HS3ST4: variants seen among roughly 807,000 people sequenced by gnomAD.
HS3ST4 encodes the protein heparan sulfate glucosamine 3-O-sulfotransferase 4.
Under a neutral mutation model 29.2 loss-of-function variants are expected in HS3ST4, and 17 were observed. The ratio of observed to expected loss-of-function variants is 0.58; its 90% confidence interval spans 0.40 to 0.87. The LOEUF (loss-of-function observed/expected upper bound fraction) is 0.87. HS3ST4 is among the 40% of genes least tolerant of loss of function. The pLI is 0.00. For missense variants in HS3ST4, 627 were observed against 634.5 expected, an observed-to-expected ratio of 0.99 and a Z score of 0.13; for synonymous variants, 314 against 285.7, an observed-to-expected ratio of 1.10 and a Z score of -1.00.
intron 1 of HS3ST4, among the ~76,000 whole-genome samples, chr16:25,739,136 G>A (rs993801227): frequency 3.9e-5 from 6 of 152,116 alleles, no homozygotes; most frequent in African/African-American, 1.4e-4. Context: ...GAGGTCAGGA[G>A]TTCAAGACAA....
In HS3ST4 at chr16:26,012,136, T is replaced by C. The variant is rs967690763; in HGVS notation, c.735-123476T>C. Among the ~76,000 whole-genome samples the C allele has an allele frequency of 2.6e-5, 4 of 152,192 alleles. No homozygotes were observed. In the East Asian group the frequency reaches 7.7e-4, roughly 29 times the overall value. ...CAACAGGGCCCTGTGCCTCAGTAGA[T>C]AAGTCAGCAGGGTGTGGTTTGCAGG... On this transcript the variant is annotated intron_variant, in intron 1 of 1. Transcript: ENST00000331351.
At chr16:26,067,788 G>A (rs1375931870) in intron 1 of HS3ST4, among the ~76,000 whole-genome samples, 6 of 152,122 alleles carry the variant, frequency 3.9e-5, no homozygotes, top group South Asian at 2.1e-4. Flanking sequence ...TCATGAGAGC[G>A]GGTTTTTCCC....
intron 1 of HS3ST4, among the ~76,000 whole-genome samples, chr16:25,888,378 G>A (rs528148256): frequency 2.5e-4 from 38 of 152,260 alleles, no homozygotes; most frequent in African/African-American, 6.7e-4. Context: ...TTATCTCTGC[G>A]TTTCTCTGGC....
chr16:25,978,976 C>T (rs1212856294), intron 1 of HS3ST4, among the ~76,000 whole-genome samples: 4 of 138,796 alleles, frequency 2.9e-5, no homozygotes, highest in African/African-American at 1.1e-4. Context: ...TTTCTCTCTG[C>T]AACCTCCACC....
chr16:26,074,226 C>T (rs1898632908), intron 1 of HS3ST4, among the ~76,000 whole-genome samples: 1 of 152,188 alleles, frequency 6.6e-6, no homozygotes, highest in South Asian at 2.1e-4. Flanking sequence ...CTTTTATCTT[C>T]CAAAATGAAA....
intron 1 of HS3ST4, among the ~76,000 whole-genome samples, chr16:26,074,261 G>C (rs534588909): frequency 3.2e-4 from 49 of 152,218 alleles, no homozygotes; most frequent in South Asian, 3.1e-3. Context: ...CTCACATCAG[G>C]TACAGTTGTC....
At chr16:25,893,727 A>G (rs1030178085) in intron 1 of HS3ST4, among the ~76,000 whole-genome samples, 2 of 152,206 alleles carry the variant, frequency 1.3e-5, no homozygotes, top group Non-Finnish European at 2.9e-5. Flanking sequence ...TGAAATGGTA[A>G]TTTTTCAAAT....
At chr16:25,832,372 GC>G (rs771795253) in intron 1 of HS3ST4, among the ~76,000 whole-genome samples, 1 of 152,186 alleles carries the variant, frequency 6.6e-6, no homozygotes, top group Admixed American at 6.5e-5. Context: ...AGAGGCTAGG[GC>G]CCCACTGGCT....
At chr16:25,832,044 C>G (rs1967307951) in intron 1 of HS3ST4, among the ~76,000 whole-genome samples, 1 of 152,048 alleles carries the variant, frequency 6.6e-6, no homozygotes, top group South Asian at 2.1e-4. Flanking sequence ...ATTGTTGAGG[C>G]TGCAGTGAAC....
At chr16:25,857,896 C>CTT (rs1351557605) in intron 1 of HS3ST4, among the ~76,000 whole-genome samples, 2 of 58,930 alleles carry the variant, frequency 3.4e-5, no homozygotes, top group East Asian at 5.6e-4. Context: ...CTTTCTTTTT[C>CTT]TTTCTTCCTT....
chr16:26,074,663 A>ATT (rs573174143), intron 1 of HS3ST4, among the ~76,000 whole-genome samples: 1 of 150,080 alleles, frequency 6.7e-6, no homozygotes, highest in African/African-American at 2.4e-5. Flanking sequence ...GAATATACAC[A>ATT]TTTTTTTTTT....
intron 1 of HS3ST4, among the ~76,000 whole-genome samples, chr16:25,974,913 A>G (rs1182337404): frequency 6.6e-6 from 1 of 152,136 alleles, no homozygotes; most frequent in Non-Finnish European, 1.5e-5. Context: ...CAAGCCAGAC[A>G]CTTATTTTCT....
In HS3ST4 at chr16:26,061,607, G is replaced by A. The variant is rs144709775; in HGVS notation, c.735-74005G>A. ...ATGTAGGACTTTTGTTGGAAGTGAC[G>A]CAAAATCTGACCAAACTAGTCTAAG... is the stretch of plus-strand genomic sequence containing the variant. On this transcript the variant is annotated intron_variant, in intron 1 of 1. Transcript: ENST00000331351. Among the ~76,000 whole-genome samples, 73 of 152,306 alleles carry A rather than the reference G, an allele frequency of 4.8e-4. 1 individual carries two copies. In the East Asian group the frequency reaches 5.2e-3, roughly 11 times the overall value.
intron 1 of HS3ST4, among the ~76,000 whole-genome samples, chr16:26,129,681 G>A (rs1262895858): frequency 6.6e-6 from 1 of 152,164 alleles, no homozygotes; most frequent in African/African-American, 2.4e-5. Flanking sequence ...CTTAAGTTAA[G>A]TAATTTGCCA....
intron 1 of HS3ST4, among the ~76,000 whole-genome samples, chr16:26,069,716 C>T (rs576373667): frequency 0.018 from 2,013 of 114,238 alleles, 22 homozygotes; most frequent in Middle Eastern, 0.026. Context: ...CTCCCCCCAC[C>T]CCACAACAGG....
chr16:26,049,470 C>CTCTG (rs1898310051), intron 1 of HS3ST4, among the ~76,000 whole-genome samples: 1 of 144,982 alleles, frequency 6.9e-6, no homozygotes, highest in African/African-American at 2.6e-5. Flanking sequence ...ATGCGTGCCT[C>CTCTG]TGTGTGTGTG....
At chr16:26,002,784 A>G (rs1476544934) in intron 1 of HS3ST4, among the ~76,000 whole-genome samples, 1 of 151,924 alleles carries the variant, frequency 6.6e-6, no homozygotes, top group Non-Finnish European at 1.5e-5. Context: ...AAGGAAAGAA[A>G]GAAAGAAAAA....
intron 1 of HS3ST4, among the ~76,000 whole-genome samples, chr16:25,835,239 G>A (rs117705157): frequency 0.025 from 3,744 of 152,178 alleles, 64 homozygotes; most frequent in Non-Finnish European, 0.042. Flanking sequence ...TCCTTCCCCC[G>A]TTGTTGTTTG....
At chr16:25,934,333 A>G in intron 1 of HS3ST4, among the ~76,000 whole-genome samples, 1 of 152,158 alleles carries the variant, frequency 6.6e-6, no homozygotes, top group East Asian at 1.9e-4. Flanking sequence ...AGAGGCAAAG[A>G]CCTCATAGCA....
Sources: gnomAD v4.1 joint callset for allele counts (sites outside exome capture counted in the v4.1 genomes callset) on GRCh38, gnomAD v4.1.1 for gene constraint, MANE v1.5 for transcripts, NCBI Gene and HGNC (gene_info 2026-07-23, HGNC 2026-07-21) for gene names.